FER: variants seen among roughly 807,000 people sequenced by gnomAD.
The protein encoded by FER is tyrosine-protein kinase Fer.
A neutral mutation model predicts 111.0 loss-of-function variants in FER; 63 were observed. The observed-to-expected ratio is 0.57, with a 90% confidence interval of 0.46 to 0.70. The LOEUF is 0.70. FER is among the 30% of genes least tolerant of loss of function. The pLI, the probability that FER is intolerant of heterozygous loss-of-function variation, is 0.00. For missense variants in FER, 914 were observed against 954.0 expected (o/e 0.96, Z 0.55); for synonymous variants, 327 against 313.9 (o/e 1.04, Z -0.44).
chr5:109,015,531 T>A (rs536177053), intron 13 of FER, among the ~76,000 whole-genome samples: 1 of 152,038 alleles, frequency 6.6e-6, no homozygotes, highest in South Asian at 2.1e-4. Flanking sequence ...GACATAGCCT[T>A]TTCCCTCAAA....
At chr5:108,891,245 T>A (rs1747995644) in intron 9 of FER, among the ~76,000 whole-genome samples, 1 of 152,152 alleles carries the variant, frequency 6.6e-6, no homozygotes, top group African/African-American at 2.4e-5. Context: ...TTGTTTTGTT[T>A]TGTTTTTTAA....
rs1487827199 is a variant in FER at position 109,147,800 on chromosome 5, T to TATAGAGAG, written c.2049-32946_2049-32945insTAGAGAGA. Among the ~76,000 whole-genome samples the TATAGAGAG allele has an allele frequency of 1.7e-3, 200 of 118,580 alleles. 1 individual carries two copies. The highest frequency in any genetic ancestry group is 5.0e-3 in the African/African-American group (155 of 31,054). 77.8% of individuals were successfully genotyped at this position (118,580 alleles called of 152,430 possible). On this transcript the variant is annotated intron_variant, in intron 17 of 19. Coordinates refer to ENST00000281092, the MANE Select transcript of FER (RefSeq NM_005246.4). ...ACATACATATATATATATATATATATAGAGAGAGAGAGAGAGAGAGAGAGA... is the reference window on the plus strand; with the variant it reads ...ACATACATATATATATATATATATATATAGAGAGAGAGAGAGAGAGAGAGAGAGAGAGA...
chr5:108,997,703 G>T (rs1384458211), intron 13 of FER, among the ~76,000 whole-genome samples: 4 of 152,204 alleles, frequency 2.6e-5, no homozygotes, highest in African/African-American at 9.6e-5. Context: ...AGGCAGGGAC[G>T]GTTATGTCTG....
intron 5 of FER, among the ~76,000 whole-genome samples, chr5:108,855,507 G>T (rs1195813758): frequency 6.6e-6 from 1 of 150,448 alleles, no homozygotes; most frequent in African/African-American, 2.5e-5. Flanking sequence ...TGTAGTCCCA[G>T]CTACTCGGGA....
Position 108,772,619 on chromosome 5 carries a change from C to CT in FER, c.-60+4389dup, listed in dbSNP as rs201446517. On this transcript the variant is annotated intron_variant, in intron 2 of 19. Coordinates refer to ENST00000281092, the MANE Select transcript of FER (RefSeq NM_005246.4). ...TGGAGATAACATTGTCATTTCCAAG[C>CT]TTTTTTTTCCTCAAAACATAATTTC... is the stretch of plus-strand genomic sequence containing the variant. Among the ~76,000 whole-genome samples the CT allele has an allele frequency of 5.9e-3, 896 of 151,808 alleles. 12 individuals carry two copies. The highest frequency in any genetic ancestry group is 0.021 in the African/African-American group (859 of 41,396).
intron 16 of FER, among the ~76,000 whole-genome samples, chr5:109,059,096 T>TA (rs925048670): frequency 6.6e-6 from 1 of 152,046 alleles, no homozygotes; most frequent in African/African-American, 2.4e-5. Context: ...ACCTTCTACT[T>TA]ACTTCTCTCA....
intron 13 of FER, among the ~76,000 whole-genome samples, chr5:108,967,759 C>CAAAAAAAAAAAA (rs774855414): frequency 0.011 from 391 of 34,432 alleles, 15 homozygotes; most frequent in Non-Finnish European, 0.018. Flanking sequence ...GACTCCGTCT[C>CAAAAAAAAAAAA]AAAAAAAAAA....
At chr5:108,953,175 T>C (rs1172444821) in intron 11 of FER, among the ~76,000 whole-genome samples, 3 of 151,978 alleles carry the variant, frequency 2.0e-5, no homozygotes, top group Non-Finnish European at 4.4e-5. Flanking sequence ...TATCAGTATA[T>C]ACAAAAAGTT....
At chr5:109,018,667 G>A (rs922369453) in intron 13 of FER, among the ~76,000 whole-genome samples, 14 of 151,662 alleles carry the variant, frequency 9.2e-5, no homozygotes, top group African/African-American at 9.7e-5. Flanking sequence ...CCTTTGAATC[G>A]TATATATGTA....
At chr5:108,827,841 T>TC (rs1554073128) in intron 3 of FER, among the ~76,000 whole-genome samples, 49 of 148,854 alleles carry the variant, frequency 3.3e-4, no homozygotes, top group Admixed American at 4.7e-4. Context: ...TTTTTTTTTT[T>TC]CCCCCAAGAC....
intron 3 of FER, among the ~76,000 whole-genome samples, chr5:108,804,324 T>G (rs1756976348): frequency 6.6e-6 from 1 of 152,268 alleles, no homozygotes; most frequent in East Asian, 1.9e-4. Context: ...GCCTTTTATT[T>G]TTTTCTCTTG....
At chr5:109,091,780 CAT>C (rs1004582563) in intron 16 of FER, among the ~76,000 whole-genome samples, 1 of 152,166 alleles carries the variant, frequency 6.6e-6, no homozygotes, top group Non-Finnish European at 1.5e-5. Context: ...TTTGAATCAA[CAT>C]CCTCCCTGAC....
At chr5:109,006,979 G>A (rs1355322360) in intron 13 of FER, among the ~76,000 whole-genome samples, 2 of 152,162 alleles carry the variant, frequency 1.3e-5, no homozygotes, top group South Asian at 4.1e-4. Flanking sequence ...TATTGAATAA[G>A]ATTAACATGC....
intron 17 of FER, among the ~76,000 whole-genome samples, chr5:109,169,449 G>A (rs1048081147): frequency 5.3e-5 from 8 of 151,956 alleles, no homozygotes; most frequent in African/African-American, 1.9e-4. Context: ...TAGGACTGAA[G>A]GGAAATTTAT....
chr5:108,925,777 T>C (rs955711265), intron 10 of FER, among the ~76,000 whole-genome samples: 1 of 152,124 alleles, frequency 6.6e-6, no homozygotes, highest in African/African-American at 2.4e-5. Context: ...TCTTATATTA[T>C]TGGATAAGTA....
At chr5:108,940,080 C>T (rs972649664) in intron 10 of FER, among the ~76,000 whole-genome samples, 3 of 152,000 alleles carry the variant, frequency 2.0e-5, no homozygotes, top group Non-Finnish European at 4.4e-5. Flanking sequence ...GAAAACAAAA[C>T]AAAACCAAAC....
intron 16 of FER, among the ~76,000 whole-genome samples, chr5:109,094,252 T>C (rs1423563180): frequency 6.6e-6 from 1 of 151,606 alleles, no homozygotes; most frequent in East Asian, 1.9e-4. Flanking sequence ...AAGTAAAATA[T>C]TGGTTGAAAA....
chr5:109,160,136 G>A (rs963350071), intron 17 of FER, among the ~76,000 whole-genome samples: 1 of 152,066 alleles, frequency 6.6e-6, no homozygotes, highest in Admixed American at 6.6e-5. Context: ...GAAAAACAAG[G>A]CATCCCGAAT....
intron 16 of FER, among the ~76,000 whole-genome samples, chr5:109,068,961 AGTC>A (rs1239085750): frequency 2.0e-5 from 3 of 152,232 alleles, no homozygotes; most frequent in Non-Finnish European, 4.4e-5. Flanking sequence ...CAGCAGTAGT[AGTC>A]GCCCATTTTG....
Sources: gnomAD v4.1 joint callset for allele counts (sites outside exome capture counted in the v4.1 genomes callset) on GRCh38, gnomAD v4.1.1 for gene constraint, MANE v1.5 for transcripts, NCBI Gene and HGNC (gene_info 2026-07-23, HGNC 2026-07-21) for gene names.